Variants in FOXN1 observed in about 807,000 individuals in gnomAD.
FOXN1 encodes the protein forkhead box N1.
A neutral mutation model predicts 49.0 loss-of-function variants in FOXN1; 15 were observed. That is an observed-to-expected ratio of 0.31 (90% CI 0.20 to 0.47). The LOEUF (loss-of-function observed/expected upper bound fraction) is 0.47. Ranked by LOEUF, FOXN1 falls within the 20% of genes least tolerant of loss-of-function variation. The pLI, the probability that FOXN1 is intolerant of heterozygous loss-of-function variation, is 1.00. For synonymous variants in FOXN1, 356 were observed against 369.0 expected (o/e 0.96, Z 0.40); for missense variants, 800 against 842.8 (o/e 0.95, Z 0.63).
chr17:28,508,882 A>C (rs9907719), intron 1 of FOXN1, among the ~76,000 whole-genome samples: 2 of 152,080 alleles, frequency 1.3e-5, no homozygotes, highest in East Asian at 3.9e-4. Flanking sequence ...GGCAGAGGGG[A>C]GTTCAGGAAA....
Position 28,513,882 on chromosome 17 carries a change from G to T in FOXN1, c.-15+7439G>T, listed in dbSNP as rs892090271. On this transcript the variant is annotated intron_variant, in intron 1 of 8. Transcript: ENST00000579795. ...GTGCCCAGAGGCAGCCAGGGATGGC[G>T]AAAAGGAAGGGGTGCTGGGCAAAGG... is the stretch of plus-strand genomic sequence containing the variant. Among the ~76,000 whole-genome samples, 4 of 152,204 alleles carry T rather than the reference G, an allele frequency of 2.6e-5. 1 individual carries two copies. Among genetic ancestry groups the T allele is most frequent in the Admixed American group, 1.3e-4 (2 of 15,288 alleles).
chr17:28,512,620 G>A (rs1234799846), intron 1 of FOXN1, among the ~76,000 whole-genome samples: 3 of 152,234 alleles, frequency 2.0e-5, no homozygotes, highest in African/African-American at 7.2e-5. Context: ...TGGGGAAGGT[G>A]GAGGTGGGAG....
At chr17:28,525,735 T>A (rs970773800) in intron 3 of FOXN1, among the ~76,000 whole-genome samples, 5 of 152,036 alleles carry the variant, frequency 3.3e-5, no homozygotes, top group African/African-American at 1.2e-4. Flanking sequence ...CACCTCTTGC[T>A]TTCAAACAGG....
intron 4 of FOXN1, 69 bp from the exon 5 acceptor site, chr17:28,529,025 T>A: frequency 6.3e-7 from 1 of 1,595,952 alleles, no homozygotes; most frequent in East Asian, 2.2e-5. Flanking sequence ...TGTATATAAA[T>A]GGGGAGGAGG....
intron 1 of FOXN1, among the ~76,000 whole-genome samples, chr17:28,511,256 A>T (rs1249937022): frequency 1.3e-5 from 2 of 152,206 alleles, no homozygotes; most frequent in African/African-American, 4.8e-5. Flanking sequence ...TTTGCCTTGT[A>T]CTAAATCTGT....
intron 1 of FOXN1, among the ~76,000 whole-genome samples, chr17:28,514,876 C>G (rs951122017): frequency 6.6e-6 from 1 of 152,094 alleles, no homozygotes; most frequent in Non-Finnish European, 1.5e-5. Context: ...AAGGAAACCT[C>G]CAACGTCGCC....
chr17:28,537,310 A>T lies in FOXN1; in HGVS notation c.1821A>T (p.Ala607=). 2 of 1,613,620 alleles carry T rather than the reference A, an allele frequency of 1.2e-6. No individual in the cohort carries two copies. The highest frequency in any genetic ancestry group is 1.7e-6 in the Non-Finnish European group (2 of 1,179,794). The change falls in exon 9 of 9, where the codon GCA becomes GCT. Residue 607 remains alanine (A), a synonymous_variant. Transcript: ENST00000579795. The part of the protein sequence containing the change: ...LAAPGSGGSG[A]LGDLHLTTLY... ...CCCCGGGCAGTGGTGGCTCCGGGGC[A>T]CTGGGTGACCTGCACCTCACCACCC...
chr17:28,528,046 G>A lies in FOXN1; in HGVS notation c.699+685G>A, dbSNP rs180696747. ...AAGACAGAGCAAGTGGCTGCCCAGC[G>A]CCCAGCTCCATCCACCTGCAGCCTG... On this transcript the variant is annotated intron_variant, in intron 4 of 8. Coordinates refer to ENST00000579795, the MANE Select transcript of FOXN1 (RefSeq NM_001369369.1). 3.3e-5 allele frequency among the ~76,000 whole-genome samples: 5 copies of A among 152,310 alleles called. No individual in the cohort carries two copies. The East Asian group carries it at 5.8e-4, about 18-fold the overall frequency.
chr17:28,531,308 T>C (rs1233250540), intron 6 of FOXN1, among the ~76,000 whole-genome samples: 3 of 152,180 alleles, frequency 2.0e-5, no homozygotes, highest in Non-Finnish European at 1.5e-5. Context: ...TCTATCTCTG[T>C]GGGTGGCAGG....
Position 28,523,942 on chromosome 17 carries a change from C to G in FOXN1, c.-14-14C>G. ...TGCTGGTCCTCACTCTCATGGCAGA[C>G]GGCTTTCTTTGAGGCCAGGACTGGG... On this transcript the variant is annotated splice_polypyrimidine_tract_variant and intron_variant, in intron 1 of 8. Transcript: ENST00000579795. 6.2e-7 allele frequency: 1 copy of G among 1,613,058 alleles called. No individual in the cohort carries two copies. The highest frequency in any genetic ancestry group is 2.2e-5 in the East Asian group (1 of 44,848).
At chr17:28,520,450 A>G (rs918158950) in intron 1 of FOXN1, among the ~76,000 whole-genome samples, 1 of 152,220 alleles carries the variant, frequency 6.6e-6, no homozygotes, top group African/African-American at 2.4e-5. Context: ...TCACCAAATC[A>G]GGAGTCCCCA....
chr17:28,523,901 G>A (rs1367434857), intron 1 of FOXN1, 55 bp from the exon 2 acceptor site: 1 of 1,600,524 alleles, frequency 6.2e-7, no homozygotes, highest in Non-Finnish European at 8.6e-7. Context: ...GCGAACCTGG[G>A]TTGGTCCCCA....
In FOXN1 at chr17:28,537,711, T is replaced by C; in HGVS notation, c.*275T>C. ...AAGAGGAAAATGCCCTGTCCCTAGC[T>C]CACACTCATCCACACTTAAGCCCTC... On this transcript the variant is annotated 3_prime_UTR_variant, in exon 9 of 9. Coordinates refer to ENST00000579795, the MANE Select transcript of FOXN1 (RefSeq NM_001369369.1). The C allele has an allele frequency of 1.8e-6, 1 of 568,316 alleles. No homozygotes were observed. The highest frequency in any genetic ancestry group is 3.2e-6 in the Non-Finnish European group (1 of 315,086). The allele number at this position is 568,316 out of a possible 1,614,324, so 35.2% of individuals were successfully genotyped here. A position where few individuals can be genotyped will look rare whatever the true frequency, so the allele number is the denominator to read the frequency against.
At chr17:28,518,254 A>G (rs1270095378) in intron 1 of FOXN1, among the ~76,000 whole-genome samples, 1 of 152,224 alleles carries the variant, frequency 6.6e-6, no homozygotes, top group African/African-American at 2.4e-5. Context: ...CCTCCACAGG[A>G]TTAGCCTCAG....
At chr17:28,530,637 C>A (rs911112595) in intron 5 of FOXN1, 112 bp from the exon 6 acceptor site, 1 of 738,534 alleles carries the variant, frequency 1.4e-6, no homozygotes, top group African/African-American at 1.7e-5. Flanking sequence ...CTTCTCATTC[C>A]CTTCTCTTTC....
At position 28,523,936 on chromosome 17, in the gene FOXN1, G is replaced by A. The variant is rs1246602340; in HGVS notation, c.-14-20G>A. 1.9e-6 allele frequency: 3 copies of A among 1,613,132 alleles called. No homozygotes were observed. The highest frequency in any genetic ancestry group is 2.5e-6 in the Non-Finnish European group (3 of 1,179,868). ...ACTGGATGCTGGTCCTCACTCTCAT[G>A]GCAGACGGCTTTCTTTGAGGCCAGG... On this transcript the variant is annotated intron_variant, in intron 1 of 8. Transcript: ENST00000579795.
intron 1 of FOXN1, among the ~76,000 whole-genome samples, chr17:28,518,133 G>A (rs943534177): frequency 1.3e-5 from 2 of 151,772 alleles, no homozygotes; most frequent in Non-Finnish European, 2.9e-5. Context: ...CACCTCCATA[G>A]GGTACACACC....
At chr17:28,508,890 A>C (rs1291188206) in intron 1 of FOXN1, among the ~76,000 whole-genome samples, 7 of 152,136 alleles carry the variant, frequency 4.6e-5, no homozygotes, top group African/African-American at 1.7e-4. Context: ...GGAGTTCAGG[A>C]AACCAGGATT....
At chr17:28,511,727 C>G (rs1447855032) in intron 1 of FOXN1, among the ~76,000 whole-genome samples, 1 of 151,992 alleles carries the variant, frequency 6.6e-6, no homozygotes, top group South Asian at 2.1e-4. Context: ...CATGACTAGC[C>G]CACACCGAGA....
Sources: gnomAD v4.1 joint callset for allele counts (sites outside exome capture counted in the v4.1 genomes callset) on GRCh38, gnomAD v4.1.1 for gene constraint, MANE v1.5 for transcripts, NCBI Gene and HGNC (gene_info 2026-07-23, HGNC 2026-07-21) for gene names.